Variants in ABHD12 observed in about 807,000 individuals in gnomAD.
ABHD12 encodes the protein abhydrolase domain containing 12, lysophospholipase.
ABHD12 carries 43 observed loss-of-function variants against 58.3 expected under a neutral mutation model. The observed-to-expected ratio is 0.74, with a 90% CI of 0.58 to 0.95. ABHD12 has a LOEUF of 0.95. ABHD12 is among the 40% of genes least tolerant of loss of function. The pLI, the probability that ABHD12 is intolerant of heterozygous loss-of-function variation, is 0.00. For synonymous variants in ABHD12, 219 were observed against 211.2 expected, an observed-to-expected ratio of 1.04 and a Z score of -0.32; for missense variants, 539 against 537.2, an observed-to-expected ratio of 1.00 and a Z score of -0.03.
At chr20:25,359,086 T>C (rs1260059297) in intron 1 of ABHD12, among the ~76,000 whole-genome samples, 2 of 148,766 alleles carry the variant, frequency 1.3e-5, no homozygotes, top group Non-Finnish European at 3.0e-5. Flanking sequence ...CATGCATTAA[T>C]GATGCCTCCT....
intron 1 of ABHD12, 36 bp downstream of exon 1, chr20:25,390,477 G>GGGGGCCCCCCCCCCCCC: frequency 1.0e-5 from 1 of 98,530 alleles, no homozygotes; most frequent in East Asian, 7.1e-4. Flanking sequence ...TGAGGGACCG[G>GGGGGCCCCCCCCCCCCC]CCCCCCCCCC....
intron 7 of ABHD12, 42 bp from the exon 8 acceptor site, chr20:25,308,536 T>G (rs751973046): frequency 1.9e-6 from 3 of 1,583,556 alleles, no homozygotes; most frequent in Non-Finnish European, 1.7e-6. Context: ...TATGATAAAA[T>G]TGTTTGAGAT....
At chr20:25,302,598 G>A (rs1434641015) in intron 11 of ABHD12, among the ~76,000 whole-genome samples, 1 of 152,218 alleles carries the variant, frequency 6.6e-6, no homozygotes, top group East Asian at 1.9e-4. Flanking sequence ...TTCCTCTGGG[G>A]AGTGGCTAGG....
At chr20:25,320,421 G>C in intron 3 of ABHD12, 103 bp from the exon 4 acceptor site, 2 of 1,509,982 alleles carry the variant, frequency 1.3e-6, no homozygotes, top group Non-Finnish European at 1.8e-6. Context: ...CCAGACAGCA[G>C]GGAGCTGCAG....
chr20:25,335,881 A>G (rs371708140), intron 2 of ABHD12, among the ~76,000 whole-genome samples: 2 of 150,244 alleles, frequency 1.3e-5, no homozygotes, highest in African/African-American at 2.5e-5. Context: ...TGGGTGCAGC[A>G]CACCAGCATG....
At chr20:25,388,259 C>G (rs925157154) in intron 1 of ABHD12, among the ~76,000 whole-genome samples, 7 of 152,116 alleles carry the variant, frequency 4.6e-5, no homozygotes, top group Non-Finnish European at 1.0e-4. Context: ...ACAAACGAGC[C>G]GGCTCTGTGG....
At chr20:25,366,016 G>A (rs1371449967) in intron 1 of ABHD12, among the ~76,000 whole-genome samples, 1 of 152,196 alleles carries the variant, frequency 6.6e-6, no homozygotes, top group Non-Finnish European at 1.5e-5. Flanking sequence ...CTCCAGCCTG[G>A]CTGACATAGT....
At chr20:25,348,701 G>C (rs2089554893) in intron 1 of ABHD12, among the ~76,000 whole-genome samples, 1 of 152,112 alleles carries the variant, frequency 6.6e-6, no homozygotes, top group South Asian at 2.1e-4. Context: ...TTTCTCCAAA[G>C]GAGGTATTAG....
rs780970197 is a variant in ABHD12 at position 25,306,822 on chromosome 20, A to G, written c.950+11T>C. 1.7e-5 allele frequency: 27 copies of G among 1,586,962 alleles called. No individual in the cohort carries two copies. Among genetic ancestry groups the G allele is most frequent in the Non-Finnish European group, 2.2e-5 (26 of 1,156,130 alleles). Reference sequence around the variant, plus strand: ...AAATAGGAAAATTAGTTCCTGTCCCATAATACTCACTTTTCATCATTTGCA... The same window carrying G: ...AAATAGGAAAATTAGTTCCTGTCCCGTAATACTCACTTTTCATCATTTGCA... On this transcript the variant is annotated intron_variant, in intron 10 of 12. Coordinates refer to ENST00000339157, the MANE Select transcript of ABHD12 (RefSeq NM_001042472.3).
Position 25,303,611 on chromosome 20 carries a change from CAGG to C in ABHD12, c.965_967del (p.Ser322del), listed in dbSNP as rs1299006814. The C allele has an allele frequency of 1.2e-6, 2 of 1,613,806 alleles. No individual in the cohort carries two copies. Among genetic ancestry groups the C allele is most frequent in the South Asian group, 2.2e-5 (2 of 91,080 alleles). On this transcript the variant is annotated inframe_deletion, in exon 11 of 13. Transcript: ENST00000339157. ...CTCAGCGTGCAGGATGAGCAGGGGACAGGAGATGTGCTTCACGCTGTAGGAGGG... is the reference window on the plus strand; with the variant it reads ...CTCAGCGTGCAGGATGAGCAGGGGACAGATGTGCTTCACGCTGTAGGAGGG...
intron 1 of ABHD12, among the ~76,000 whole-genome samples, chr20:25,364,469 TG>T (rs965512461): frequency 4.6e-5 from 7 of 151,990 alleles, no homozygotes; most frequent in African/African-American, 1.5e-4. Context: ...GGAGGGAAGG[TG>T]CCAGGCTCCT....
At chr20:25,294,888 AC>A (rs1177153063) in exon 13 of ABHD12, 7 of 1,475,968 alleles carry the variant, frequency 4.7e-6, no homozygotes, top group Non-Finnish European at 6.6e-6. Context: ...CTGGGAATTC[AC>A]CTGCCCTCCA....
chr20:25,309,312 G>A (rs2088805731), intron 7 of ABHD12, 134 bp downstream of exon 7: 1 of 1,317,512 alleles, frequency 7.6e-7, no homozygotes, highest in Non-Finnish European at 1.1e-6. Context: ...TCTGCCATGG[G>A]GATGGGAGCG....
chr20:25,318,410 C>G (rs2089002401), intron 4 of ABHD12, among the ~76,000 whole-genome samples: 1 of 152,212 alleles, frequency 6.6e-6, no homozygotes, highest in African/African-American at 2.4e-5. Context: ...CACAGTGGCT[C>G]TAAGTTTCTA....
intron 2 of ABHD12, among the ~76,000 whole-genome samples, chr20:25,333,952 G>T (rs1403059375): frequency 6.6e-6 from 1 of 152,206 alleles, no homozygotes; most frequent in African/African-American, 2.4e-5. Context: ...TGGAAGTGCT[G>T]GCCGGGGCAA....
chr20:25,387,567 ACATAGTGAGACTT>A (rs1490807565), intron 1 of ABHD12, among the ~76,000 whole-genome samples: 3 of 136,344 alleles, frequency 2.2e-5, no homozygotes, highest in Non-Finnish European at 4.6e-5. Context: ...CCTGGGGGCA[ACATAGTGAGACTT>A]CATCTCTATT....
intron 1 of ABHD12, among the ~76,000 whole-genome samples, chr20:25,372,338 C>T (rs1229453267): frequency 6.6e-6 from 1 of 152,122 alleles, no homozygotes; most frequent in Non-Finnish European, 1.5e-5. Context: ...CAGGTGCACA[C>T]CACCATGCTC....
Position 25,390,427 on chromosome 20 carries a change from G to C in ABHD12, c.191+86C>G, listed in dbSNP as rs551481703. ...CGGACGGCCACTCTGGGAGGGGCTG[G>C]GAGGTACCGCGGCCCCCTGCGGGAC... On this transcript the variant is annotated intron_variant, in intron 1 of 12. Coordinates refer to ENST00000339157, the MANE Select transcript of ABHD12 (RefSeq NM_001042472.3). The C allele has an allele frequency of 2.4e-4, 304 of 1,282,628 alleles. 2 individuals carry two copies. In the African/African-American group the frequency reaches 4.3e-3, roughly 18 times the overall value. The allele number at this position is 1,282,628 out of a possible 1,614,324, so 79.5% of individuals were successfully genotyped here.
At chr20:25,386,829 C>T (rs572584270) in intron 1 of ABHD12, among the ~76,000 whole-genome samples, 1 of 151,786 alleles carries the variant, frequency 6.6e-6, no homozygotes, top group Non-Finnish European at 1.5e-5. Context: ...TGCAGTGACC[C>T]GAGATCGTGC....
Sources: gnomAD v4.1 joint callset for allele counts (sites outside exome capture counted in the v4.1 genomes callset) on GRCh38, gnomAD v4.1.1 for gene constraint, MANE v1.5 for transcripts, NCBI Gene and HGNC (gene_info 2026-07-23, HGNC 2026-07-21) for gene names.